GMDS: variants seen among roughly 807,000 people sequenced by gnomAD.
The protein encoded by GMDS is GDP-mannose 4,6-dehydratase.
GMDS carries 20 observed loss-of-function variants against 49.9 expected under a neutral mutation model. That is an observed-to-expected ratio of 0.40 (90% CI 0.28 to 0.58). The LOEUF is 0.58. Among genes scored for constraint, GMDS ranks in the 20% least tolerant of loss-of-function variants. The pLI is 0.42. For missense variants in GMDS, 362 were observed against 481.4 expected (o/e 0.75, Z 2.32); for synonymous variants, 177 against 178.6 (o/e 0.99, Z 0.07).
At chr6:1,810,640 T>C (rs1391086515) in intron 7 of GMDS, among the ~76,000 whole-genome samples, 2 of 152,040 alleles carry the variant, frequency 1.3e-5, no homozygotes, top group African/African-American at 4.8e-5. Flanking sequence ...GTGAAGAGCC[T>C]GATCTGCCAG....
intron 9 of GMDS, among the ~76,000 whole-genome samples, chr6:1,675,266 A>G (rs1764578326): frequency 6.6e-6 from 1 of 150,966 alleles, no homozygotes; most frequent in South Asian, 2.1e-4. Flanking sequence ...AAACCAATTG[A>G]CTGTTGTATA....
chr6:1,715,069 AG>A (rs1254243311), intron 9 of GMDS, among the ~76,000 whole-genome samples: 1 of 152,234 alleles, frequency 6.6e-6, no homozygotes, highest in East Asian at 1.9e-4. Flanking sequence ...GAACAGATGA[AG>A]AAAAAAGGAG....
At chr6:1,809,527 C>T (rs1770322737) in intron 7 of GMDS, among the ~76,000 whole-genome samples, 1 of 151,992 alleles carries the variant, frequency 6.6e-6, no homozygotes, top group African/African-American at 2.4e-5. Flanking sequence ...TTTTTGATTC[C>T]CAAGGCGATT....
chr6:2,178,964 A>C lies in GMDS; in HGVS notation c.103-54233T>G, dbSNP rs2127560333. Among the ~76,000 whole-genome samples the C allele has an allele frequency of 2.0e-5, 3 of 152,326 alleles. 1 individual carries two copies. In the Middle Eastern group the frequency reaches 0.01, roughly 518 times the overall value. On this transcript the variant is annotated intron_variant, in intron 1 of 10. Coordinates refer to ENST00000380815, the MANE Select transcript of GMDS (RefSeq NM_001500.4). ...GAACAGAATAATTTGAAATCTCTCA[A>C]TATTCTTCCATTGAATAACTTTGTG...
At chr6:1,907,908 C>T (rs998345278) in intron 7 of GMDS, among the ~76,000 whole-genome samples, 2 of 152,206 alleles carry the variant, frequency 1.3e-5, no homozygotes, top group African/African-American at 4.8e-5. Context: ...CCAAACCGTA[C>T]ACACACGATG....
chr6:2,120,922 G>A (rs1307752174), intron 2 of GMDS, among the ~76,000 whole-genome samples: 1 of 152,176 alleles, frequency 6.6e-6, no homozygotes, highest in African/African-American at 2.4e-5. Flanking sequence ...TAGACCCCAT[G>A]TCACTCTGCC....
chr6:1,856,170 C>T (rs1397553400), intron 7 of GMDS, among the ~76,000 whole-genome samples: 2 of 152,114 alleles, frequency 1.3e-5, no homozygotes, highest in Admixed American at 1.3e-4. Flanking sequence ...TCAAACTTGT[C>T]GGTAGTGATG....
At chr6:1,991,270 G>A (rs1453994703) in intron 4 of GMDS, among the ~76,000 whole-genome samples, 1 of 151,988 alleles carries the variant, frequency 6.6e-6, no homozygotes, top group East Asian at 1.9e-4. Flanking sequence ...CGACTCCCAG[G>A]CTCTTCCACA....
intron 1 of GMDS, among the ~76,000 whole-genome samples, chr6:2,221,537 C>T (rs1292808618): frequency 1.3e-5 from 2 of 152,200 alleles, no homozygotes; most frequent in South Asian, 2.1e-4. Flanking sequence ...TACAGGCACC[C>T]GCCACCACGA....
intron 4 of GMDS, among the ~76,000 whole-genome samples, chr6:2,075,517 T>C (rs1321422478): frequency 6.6e-6 from 1 of 152,232 alleles, no homozygotes; most frequent in African/African-American, 2.4e-5. Flanking sequence ...GTTTGGTTTT[T>C]GTCCTTGCGA....
At chr6:1,721,008 G>C (rs1766366629) in intron 9 of GMDS, among the ~76,000 whole-genome samples, 1 of 152,172 alleles carries the variant, frequency 6.6e-6, no homozygotes, top group Non-Finnish European at 1.5e-5. Flanking sequence ...CCCAAACGCA[G>C]AGACAGAGCT....
At chr6:1,999,970 T>TATATTTTATATATATATTATA (rs1554144011) in intron 4 of GMDS, among the ~76,000 whole-genome samples, 2 of 11,194 alleles carry the variant, frequency 1.8e-4, no homozygotes, top group African/African-American at 4.7e-4. Flanking sequence ...TATATATATA[T>TATATTTTATATATATATTATA]TATATATATA....
At chr6:1,943,910 A>G (rs1762935242) in intron 6 of GMDS, among the ~76,000 whole-genome samples, 1 of 152,232 alleles carries the variant, frequency 6.6e-6, no homozygotes, top group Admixed American at 6.5e-5. Context: ...AATTCAATAT[A>G]TTCAGTCTAT....
At chr6:1,734,072 G>T (rs1766923369) in intron 8 of GMDS, among the ~76,000 whole-genome samples, 1 of 152,158 alleles carries the variant, frequency 6.6e-6, no homozygotes, top group Non-Finnish European at 1.5e-5. Flanking sequence ...TTAAAATACA[G>T]CGCTAGTGTA....
In GMDS at chr6:2,245,548, G is replaced by A; in HGVS notation, c.-126C>T. On this transcript the variant is annotated 5_prime_UTR_variant, in exon 1 of 11. Coordinates refer to ENST00000380815, the MANE Select transcript of GMDS (RefSeq NM_001500.4). ...CAGGCTGCGGGCAGGGAGGGAGAGC[G>A]CACCGCGCGACCGGCCGCCACAGTC... 2.1e-6 allele frequency: 1 copy of A among 473,848 alleles called. No homozygotes were observed. The highest frequency in any genetic ancestry group is 3.5e-6 in the Non-Finnish European group (1 of 289,206). The allele number at this position is 473,848 out of a possible 1,614,324, so 29.4% of individuals were successfully genotyped here.
At chr6:1,916,954 A>T (rs1255810129) in intron 7 of GMDS, among the ~76,000 whole-genome samples, 1 of 151,692 alleles carries the variant, frequency 6.6e-6, no homozygotes, top group African/African-American at 2.4e-5. Flanking sequence ...TACAGAATGG[A>T]TATCTTCTTC....
intron 9 of GMDS, among the ~76,000 whole-genome samples, chr6:1,691,926 G>A (rs976921110): frequency 6.6e-6 from 1 of 152,158 alleles, no homozygotes; most frequent in South Asian, 2.1e-4. Context: ...AGGATGCAAA[G>A]TATTGTTCCT....
intron 3 of GMDS, among the ~76,000 whole-genome samples, chr6:2,116,361 G>T (rs573062752): frequency 6.6e-6 from 1 of 152,118 alleles, no homozygotes; most frequent in Non-Finnish European, 1.5e-5. Context: ...CTGAATGCCC[G>T]ATGTGGTGAC....
At chr6:2,199,806 G>T (rs1779426840) in intron 1 of GMDS, among the ~76,000 whole-genome samples, 2 of 152,126 alleles carry the variant, frequency 1.3e-5, no homozygotes, top group South Asian at 4.1e-4. Flanking sequence ...TTGTCTGCTT[G>T]TTAACCACTT....
Sources: gnomAD v4.1 joint callset for allele counts (sites outside exome capture counted in the v4.1 genomes callset) on GRCh38, gnomAD v4.1.1 for gene constraint, MANE v1.5 for transcripts, NCBI Gene and HGNC (gene_info 2026-07-23, HGNC 2026-07-21) for gene names.